Variants in IGF2R observed in about 807,000 individuals in gnomAD.
The protein encoded by IGF2R is insulin like growth factor 2 receptor, also known as cation-independent mannose-6-phosphate receptor.
A neutral mutation model predicts 270.6 loss-of-function variants in IGF2R; 91 were observed. The ratio of observed to expected loss-of-function variants is 0.34; its 90% CI spans 0.28 to 0.40. IGF2R has a LOEUF of 0.40. Ranked by LOEUF, IGF2R falls within the 10% of genes least tolerant of loss-of-function variation. IGF2R has a pLI of 1.00. For synonymous variants in IGF2R, 1,316 were observed against 1,258.9 expected, an observed-to-expected ratio of 1.05 and a Z score of -0.96; for missense variants, 2,805 against 3,188.3, an observed-to-expected ratio of 0.88 and a Z score of 2.90.
chr6:160,098,812 A>G (rs1234427908), intron 45 of IGF2R, among the ~76,000 whole-genome samples: 1 of 152,102 alleles, frequency 6.6e-6, no homozygotes, highest in African/African-American at 2.4e-5. Context: ...GAGCGAGACT[A>G]GATCTCAGGA....
intron 46 of IGF2R, 33 bp from the exon 47 acceptor site, chr6:160,103,713 C>G (rs747284262): frequency 2.6e-6 from 4 of 1,524,860 alleles, no homozygotes; most frequent in Non-Finnish European, 3.6e-6. Context: ...CCTCTCTACA[C>G]TGGAGTAATT....
chr6:160,024,719 G>A lies in IGF2R; in HGVS notation c.646+15G>A. On this transcript the variant is annotated intron_variant, in intron 5 of 47. Transcript: ENST00000356956. ...TAGAGACATAGGTATGAATCTTTGT[G>A]GGGCTGAGGGGGTGGTGGTGAGGGA... 6.2e-7 allele frequency: 1 copy of A among 1,612,728 alleles called. No homozygotes were observed. Among genetic ancestry groups the A allele is most frequent in the Non-Finnish European group, 8.5e-7 (1 of 1,178,974 alleles).
rs1421306558 is a variant in IGF2R at position 160,062,742 on chromosome 6, G to C, written c.3670+123G>C. ...AGCTGGGGTCATGAGACACACGCTA[G>C]GGGGAGGATAATTTCTTTTCCTTGA... On this transcript the variant is annotated intron_variant, in intron 26 of 47. Transcript: ENST00000356956. The C allele has an allele frequency of 6.4e-6, 4 of 621,474 alleles. No homozygotes were observed. In the South Asian group the frequency reaches 8.9e-5, roughly 14 times the overall value. The allele number at this position is 621,474 out of a possible 1,614,324, so 38.5% of individuals were successfully genotyped here. A position where few individuals can be genotyped will look rare whatever the true frequency, so the allele number is the denominator to read the frequency against.
chr6:160,040,394 A>G (rs1297757366), intron 10 of IGF2R, among the ~76,000 whole-genome samples, 166 bp from the exon 11 acceptor site: 2 of 152,240 alleles, frequency 1.3e-5, no homozygotes, highest in African/African-American at 4.8e-5. Flanking sequence ...GAAGCTTAAT[A>G]GAAGCCTGTG....
intron 2 of IGF2R, among the ~76,000 whole-genome samples, chr6:160,000,735 T>TTTTTTTTTTTTTTTTTTTG (rs1784115730): frequency 1.4e-5 from 2 of 138,534 alleles, no homozygotes; most frequent in African/African-American, 5.7e-5. Flanking sequence ...GTTGTTTTTT[T>TTTTTTTTTTTTTTTTTTTG]TTTTTTTTTT....
Position 160,040,736 on chromosome 6 carries a change from C to A in IGF2R, c.1480+12C>A. The A allele has an allele frequency of 4.4e-6, 7 of 1,606,510 alleles. No individual in the cohort carries two copies. The highest frequency in any genetic ancestry group is 6.0e-6 in the Non-Finnish European group (7 of 1,175,082). On this transcript the variant is annotated intron_variant, in intron 11 of 47. Transcript: ENST00000356956. ...GGTCCGCCATGCAGGTACTGCCCTC[C>A]TTGCCATGCGGGTCTTAGTCCACAT...
chr6:160,062,671 C>A, intron 26 of IGF2R, 52 bp downstream of exon 26: 1 of 1,299,404 alleles, frequency 7.7e-7, no homozygotes, highest in Non-Finnish European at 1.1e-6. Context: ...GAGTAGCAGA[C>A]GTTCTGAACG....
chr6:160,079,630 C>G lies in IGF2R; in HGVS notation c.5529C>G (p.Val1843=), dbSNP rs200730925. ...TYSVGVCTFA[V]GPEQGGCKDG... is the part of the protein sequence containing the mutation. The stretch of plus-strand genomic sequence containing the variant: ...GCGTTGGGGTGTGCACCTTTGCAGT[C>G]GGGCCAGAACAAGGAGGCTGTAAGG... Residue 1843 remains valine, a synonymous_variant, in exon 38 of 48, where the codon GTC becomes GTG. Transcript: ENST00000356956. The G allele has an allele frequency of 6.4e-7, 1 of 1,552,722 alleles. No homozygotes were observed. Among genetic ancestry groups the G allele is most frequent in the Non-Finnish European group, 8.7e-7 (1 of 1,149,878 alleles).
intron 22 of IGF2R, among the ~76,000 whole-genome samples, chr6:160,059,694 C>T (rs1407739658): frequency 4.6e-5 from 7 of 152,210 alleles, no homozygotes; most frequent in African/African-American, 9.6e-5. Context: ...GGCCATGGGA[C>T]GCCCGTGGGG....
chr6:160,013,265 G>A lies in IGF2R; in HGVS notation c.513+2480G>A, dbSNP rs1235128185. Reference sequence around the variant, plus strand: ...CACCAACTACAGCCCATGGTTCAAAGCCTGCCCTGGCCTGTTTTTGTACAA... The same window carrying A: ...CACCAACTACAGCCCATGGTTCAAAACCTGCCCTGGCCTGTTTTTGTACAA... On this transcript the variant is annotated intron_variant, in intron 4 of 47. Transcript: ENST00000356956. 2.6e-5 allele frequency among the ~76,000 whole-genome samples: 4 copies of A among 152,128 alleles called. No individual in the cohort carries two copies. The East Asian group carries it at 5.8e-4, about 22-fold the overall frequency.
intron 1 of IGF2R, among the ~76,000 whole-genome samples, chr6:159,986,430 G>GTT (rs5741634): frequency 5.0e-4 from 58 of 116,878 alleles, no homozygotes; most frequent in African/African-American, 1.3e-3. Context: ...GTGTGTGTGT[G>GTT]TTTTTTTTTT....
At chr6:160,010,152 A>T (rs1344742661) in intron 3 of IGF2R, among the ~76,000 whole-genome samples, 1 of 152,192 alleles carries the variant, frequency 6.6e-6, no homozygotes, top group Non-Finnish European at 1.5e-5. Context: ...GGGAGTGAAG[A>T]GGCCAGTTCC....
At chr6:159,980,051 G>A (rs1446456559) in intron 1 of IGF2R, among the ~76,000 whole-genome samples, 2 of 151,988 alleles carry the variant, frequency 1.3e-5, no homozygotes, top group Admixed American at 1.3e-4. Context: ...CGCGGTGGCG[G>A]GCGCCTGTAG....
intron 29 of IGF2R, among the ~76,000 whole-genome samples, chr6:160,065,996 G>A (rs977706579): frequency 9.6e-5 from 14 of 145,582 alleles, no homozygotes; most frequent in Admixed American, 3.4e-4. Flanking sequence ...CACCATGCCT[G>A]GCTAATTTTT....
rs1562367060 is a variant in IGF2R at position 160,071,263 on chromosome 6, CAGGAGGCTGGGAGGGAAG to C, written c.4444-646_4444-629del. On this transcript the variant is annotated intron_variant, in intron 31 of 47. Transcript: ENST00000356956. ...TGTCGAGGCCCCTGTGCCCAGGGCC[CAGGAGGCTGGGAGGGAAG>C]GGTGGGGGTGTGTCGAGGCCCCTGT... Among the ~76,000 whole-genome samples, 72 of 103,148 alleles carry C rather than the reference CAGGAGGCTGGGAGGGAAG, an allele frequency of 7.0e-4. 3 individuals carry two copies. Among genetic ancestry groups the C allele is most frequent in the Middle Eastern group, 0.011 (2 of 174 alleles). The allele number at this position is 103,148 out of a possible 152,430, so 67.7% of individuals were successfully genotyped here. A position where few individuals can be genotyped will look rare whatever the true frequency, so the allele number is the denominator to read the frequency against.
In IGF2R at chr6:159,986,434, T is replaced by G. The variant is rs2342867; in HGVS notation, c.150-4750T>G. ...TGTGTGTGTGTGTGTGTGTGTGTTT[T>G]TTTTTTTTTTTTAAGTAGATTCAGG... is the stretch of plus-strand genomic sequence containing the variant. On this transcript the variant is annotated intron_variant, in intron 1 of 47. Coordinates refer to ENST00000356956, the MANE Select transcript of IGF2R (RefSeq NM_000876.4). Among the ~76,000 whole-genome samples the G allele has an allele frequency of 8.9e-3, 846 of 95,122 alleles. 4 individuals carry two copies. The highest frequency in any genetic ancestry group is 0.027 in the African/African-American group (642 of 24,042). The allele number at this position is 95,122 out of a possible 152,430, so 62.4% of individuals were successfully genotyped here.
At chr6:160,068,187 G>A in intron 29 of IGF2R, 62 bp from the exon 30 acceptor site, 1 of 1,575,532 alleles carries the variant, frequency 6.3e-7, no homozygotes, top group South Asian at 1.1e-5. Flanking sequence ...TCTAGACAGA[G>A]TGCCCAATGT....
chr6:160,105,122 C>G lies in IGF2R; in HGVS notation c.*38C>G. 4 of 1,459,394 alleles carry G rather than the reference C, an allele frequency of 2.7e-6. No homozygotes were observed. Among genetic ancestry groups the G allele is most frequent in the Non-Finnish European group, 3.6e-6 (4 of 1,097,452 alleles). The allele number at this position is 1,459,394 out of a possible 1,614,324, so 90.4% of individuals were successfully genotyped here. On this transcript the variant is annotated 3_prime_UTR_variant, in exon 48 of 48. Transcript: ENST00000356956. ...TGCAGGGGAGCACGGAGCCGCGGGA[C>G]AGCCAAGCACCTCCAACCAAATAAG...
intron 1 of IGF2R, among the ~76,000 whole-genome samples, chr6:159,971,182 A>G (rs549723509): frequency 6.6e-6 from 1 of 152,314 alleles, no homozygotes; most frequent in South Asian, 2.1e-4. Flanking sequence ...TTCACAGTTA[A>G]GATTAAGGTG....
Sources: gnomAD v4.1 joint callset for allele counts (sites outside exome capture counted in the v4.1 genomes callset) on GRCh38, gnomAD v4.1.1 for gene constraint, MANE v1.5 for transcripts, NCBI Gene and HGNC (gene_info 2026-07-23, HGNC 2026-07-21) for gene names.